MAPK8: variants seen among roughly 807,000 people sequenced by gnomAD.
The protein encoded by MAPK8 is JUN N-terminal kinase.
Under a neutral mutation model 52.9 loss-of-function variants are expected in MAPK8, and 13 were observed. The observed-to-expected ratio is 0.25, with a 90% CI of 0.16 to 0.39. MAPK8 has a LOEUF of 0.39. Among genes scored for constraint, MAPK8 ranks in the 10% least tolerant of loss-of-function variants. The pLI is 1.00. For synonymous variants in MAPK8, 191 were observed against 169.8 expected (o/e 1.12, Z -0.97); for missense variants, 300 against 519.2 (o/e 0.58, Z 4.10).
intron 1 of MAPK8, among the ~76,000 whole-genome samples, chr10:48,398,624 A>G (rs1221325090): frequency 1.3e-5 from 2 of 152,240 alleles, no homozygotes; most frequent in Non-Finnish European, 2.9e-5. Flanking sequence ...TCATACCAGC[A>G]TCATTTATAA....
At chr10:48,319,809 G>GT (rs2065684635) in intron 1 of MAPK8, among the ~76,000 whole-genome samples, 1 of 151,936 alleles carries the variant, frequency 6.6e-6, no homozygotes, top group African/African-American at 2.4e-5. Flanking sequence ...GATCTCTCAT[G>GT]TAAGTGGAAT....
Position 48,375,786 on chromosome 10 carries a change from T to A in MAPK8, c.-49-25826T>A, listed in dbSNP as rs79527797. Among the ~76,000 whole-genome samples, 9 of 152,280 alleles carry A rather than the reference T, an allele frequency of 5.9e-5. No homozygotes were observed. In the East Asian group the frequency reaches 1.7e-3, roughly 29 times the overall value. On this transcript the variant is annotated intron_variant, in intron 1 of 11. Transcript: ENST00000374189. Reference sequence around the variant, plus strand: ...ATTCCATGCCCATGGATAGGAAGAATCAGTATCATGAAAATGGCCATACTG... The same window carrying A: ...ATTCCATGCCCATGGATAGGAAGAAACAGTATCATGAAAATGGCCATACTG...
chr10:48,361,020 C>G (rs1847470834), intron 1 of MAPK8, among the ~76,000 whole-genome samples: 1 of 151,808 alleles, frequency 6.6e-6, no homozygotes, highest in Non-Finnish European at 1.5e-5. Context: ...TGCCAGTTAT[C>G]TGTAATCATG....
intron 1 of MAPK8, among the ~76,000 whole-genome samples, chr10:48,381,476 G>A (rs1478556463): frequency 3.3e-5 from 5 of 151,852 alleles, no homozygotes; most frequent in South Asian, 2.1e-4. Context: ...TATTAACTAC[G>A]ATTTTAACTC....
At chr10:48,335,600 T>C (rs928405060) in intron 1 of MAPK8, among the ~76,000 whole-genome samples, 2 of 152,330 alleles carry the variant, frequency 1.3e-5, no homozygotes, top group Non-Finnish European at 2.9e-5. Context: ...AGGCACACTT[T>C]GTTCATTTTC....
intron 3 of MAPK8, among the ~76,000 whole-genome samples, chr10:48,406,578 A>G (rs898529969): frequency 5.3e-5 from 8 of 152,148 alleles, no homozygotes; most frequent in African/African-American, 1.9e-4. Flanking sequence ...CTCAGAATAT[A>G]TTTGTTCAGT....
intron 10 of MAPK8, chr10:48,430,335 C>G (rs1281903296): frequency 6.6e-6 from 1 of 152,192 alleles, no homozygotes; most frequent in Non-Finnish European, 1.5e-5. Flanking sequence ...CTCAGGTGAT[C>G]CACCCACCTC....
At chr10:48,340,351 C>T (rs1019494312) in intron 1 of MAPK8, among the ~76,000 whole-genome samples, 10 of 152,092 alleles carry the variant, frequency 6.6e-5, no homozygotes, top group Non-Finnish European at 8.8e-5. Context: ...AGTGGGTACA[C>T]ATGGACGCAA....
At chr10:48,357,600 G>A (rs994842546) in intron 1 of MAPK8, among the ~76,000 whole-genome samples, 12 of 152,058 alleles carry the variant, frequency 7.9e-5, no homozygotes, top group African/African-American at 2.4e-4. Flanking sequence ...GTTTCACCAT[G>A]TTGCCCAGGC....
At chr10:48,363,099 A>G (rs1472723228) in intron 1 of MAPK8, among the ~76,000 whole-genome samples, 1 of 152,006 alleles carries the variant, frequency 6.6e-6, no homozygotes, top group Non-Finnish European at 1.5e-5. Flanking sequence ...TGCAGTAGCT[A>G]TTCACTGGCC....
In MAPK8 at chr10:48,414,009, TTAG is replaced by T. The variant is rs1437481691; in HGVS notation, c.450+3842_450+3844del. Among the ~76,000 whole-genome samples, 3 of 151,672 alleles carry T rather than the reference TTAG, an allele frequency of 2.0e-5. No individual in the cohort carries two copies. The East Asian group carries it at 5.8e-4, about 29-fold the overall frequency. Reference sequence around the variant, plus strand: ...TATGCTCGTTACCACAATCTTAACTTTAGAAAATTCTATTGCCCTAAAAGAAAC... The same window carrying T: ...TATGCTCGTTACCACAATCTTAACTTAAAATTCTATTGCCCTAAAAGAAAC... On this transcript the variant is annotated intron_variant, in intron 5 of 11. Transcript: ENST00000374189.
chr10:48,418,846 T>A (rs1180968472), intron 5 of MAPK8, among the ~76,000 whole-genome samples: 1 of 152,232 alleles, frequency 6.6e-6, no homozygotes, highest in Non-Finnish European at 1.5e-5. Flanking sequence ...GCTCTTAATT[T>A]TTTCACAATG....
intron 1 of MAPK8, among the ~76,000 whole-genome samples, chr10:48,366,357 A>G (rs1029412724): frequency 1.3e-5 from 2 of 152,176 alleles, no homozygotes; most frequent in African/African-American, 2.4e-5. Context: ...TCAGAATACT[A>G]CCACTTACAA....
intron 1 of MAPK8, among the ~76,000 whole-genome samples, chr10:48,325,129 C>G (rs551016470): frequency 6.6e-6 from 1 of 152,170 alleles, no homozygotes; most frequent in African/African-American, 2.4e-5. Context: ...GCACGTGCCA[C>G]CATGCCTGGC....
chr10:48,325,823 T>C (rs1318686792), intron 1 of MAPK8: 1 of 152,256 alleles, frequency 6.6e-6, no homozygotes, highest in African/African-American at 2.4e-5. Context: ...TATTCCTTTT[T>C]GTGATTACCT....
intron 3 of MAPK8, among the ~76,000 whole-genome samples, chr10:48,405,219 C>G (rs1457613649): frequency 6.6e-6 from 1 of 151,716 alleles, no homozygotes; most frequent in Non-Finnish European, 1.5e-5. Flanking sequence ...ATTTAATTTA[C>G]AAAAGGAGTT....
chr10:48,426,316 G>A, intron 8 of MAPK8, 64 bp from the exon 9 acceptor site: 1 of 1,422,038 alleles, frequency 7.0e-7, no homozygotes. Flanking sequence ...TCAAATTGCT[G>A]AAAGTTATTA....
In MAPK8 at chr10:48,311,525, T is replaced by C. The variant is rs576999436; in HGVS notation, c.-50+4704T>C. On this transcript the variant is annotated intron_variant, in intron 1 of 11. Coordinates refer to ENST00000374189, the MANE Select transcript of MAPK8 (RefSeq NM_001323329.2). ...TGCCTAAGCTTTCCTAGGTTTGTTA[T>C]AGACATCTAAAGGAATGAGAATTTA... is the stretch of plus-strand genomic sequence containing the variant. Among the ~76,000 whole-genome samples, 8 of 152,366 alleles carry C rather than the reference T, an allele frequency of 5.3e-5. No individual in the cohort carries two copies. The East Asian group carries it at 1.5e-3, about 29-fold the overall frequency.
chr10:48,424,176 G>A lies in MAPK8; in HGVS notation c.688+17G>A. 1 of 1,606,140 alleles carries A rather than the reference G, an allele frequency of 6.2e-7. No homozygotes were observed. The highest frequency in any genetic ancestry group is 1.1e-5 in the South Asian group (1 of 90,494). ...GAAGGGACTGTATCCTTGTGCTGCT[G>A]CAGCAGTTAATTAGTTAGGCGATGA... On this transcript the variant is annotated intron_variant, in intron 7 of 11. Coordinates refer to ENST00000374189, the MANE Select transcript of MAPK8 (RefSeq NM_001323329.2).
Sources: allele counts gnomAD v4.1 joint callset (sites outside exome capture counted in the v4.1 genomes callset), GRCh38; gene constraint gnomAD v4.1.1; transcripts MANE v1.5; gene names NCBI Gene and HGNC (gene_info 2026-07-23, HGNC 2026-07-21).